RAPGEF6: variants seen among roughly 807,000 people sequenced by gnomAD.
RAPGEF6 encodes PDZ domain containing guanine nucleotide exchange factor (GEF) 2.
A neutral mutation model predicts 171.4 loss-of-function variants in RAPGEF6; 56 were observed. That is an observed-to-expected ratio of 0.33 (90% confidence interval 0.26 to 0.41). The LOEUF is 0.41. Ranked by LOEUF, RAPGEF6 falls within the 10% of genes least tolerant of loss-of-function variation. RAPGEF6 has a pLI of 1.00. For synonymous variants in RAPGEF6, 692 were observed against 650.1 expected (o/e 1.06, Z -0.98); for missense variants, 1,674 against 1,921.4 (o/e 0.87, Z 2.41).
intron 1 of RAPGEF6, among the ~76,000 whole-genome samples, chr5:131,617,590 T>C (rs1189693443): frequency 1.3e-5 from 2 of 151,952 alleles, no homozygotes; most frequent in Non-Finnish European, 2.9e-5. Context: ...GTAGCTGGGA[T>C]TACAGGCGCC....
Position 131,548,180 on chromosome 5 carries a change from G to C in RAPGEF6, c.362C>G (p.Ala121Gly), listed in dbSNP as rs1381657213. The change falls in exon 6 of 28, where the codon GCC becomes GGC. Residue 121 changes from alanine to glycine, a missense_variant. By Grantham distance (60) the Ala-to-Gly change is moderately conservative. Transcript: ENST00000509018. ...TAGAATACTATCTTCATTATCTTTGGCATTCTCTACCTGAAACACATGTTC... is the reference window on the plus strand; with the variant it reads ...TAGAATACTATCTTCATTATCTTTGCCATTCTCTACCTGAAACACATGTTC... Reference protein sequence around the residue: ...EPSEMIVVENAKDNEDSILQR... With the variant: ...EPSEMIVVENGKDNEDSILQR... 1 of 1,613,410 alleles carries C rather than the reference G, an allele frequency of 6.2e-7. No homozygotes were observed. Among genetic ancestry groups the C allele is most frequent in the Non-Finnish European group, 8.5e-7 (1 of 1,179,768 alleles).
intron 17 of RAPGEF6, among the ~76,000 whole-genome samples, chr5:131,465,607 C>A (rs552055680): frequency 6.6e-6 from 1 of 151,836 alleles, no homozygotes; most frequent in Non-Finnish European, 1.5e-5. Flanking sequence ...ATAGCAAGAC[C>A]CCATCTCTAC....
chr5:131,597,403 A>G (rs1763965799), intron 3 of RAPGEF6, among the ~76,000 whole-genome samples: 1 of 152,172 alleles, frequency 6.6e-6, no homozygotes, highest in African/African-American at 2.4e-5. Flanking sequence ...TGTTACAGAA[A>G]TATCTGCACT....
intron 18 of RAPGEF6, among the ~76,000 whole-genome samples, 177 bp from the exon 19 acceptor site, chr5:131,462,265 G>C (rs988528377): frequency 6.6e-6 from 1 of 152,158 alleles, no homozygotes; most frequent in Non-Finnish European, 1.5e-5. Context: ...TGAGAAGTCT[G>C]TCTCTTATTC....
chr5:131,528,216 A>G (rs1473126341), intron 6 of RAPGEF6, among the ~76,000 whole-genome samples: 3 of 125,768 alleles, frequency 2.4e-5, no homozygotes, highest in African/African-American at 9.7e-5. Flanking sequence ...TATATAAATA[A>G]AATAAAATAA....
intron 21 of RAPGEF6, among the ~76,000 whole-genome samples, chr5:131,449,247 A>T (rs1214346483): frequency 2.6e-5 from 4 of 152,242 alleles, no homozygotes; most frequent in African/African-American, 9.6e-5. Context: ...GCTATGTAGA[A>T]GTAGAGACCT....
chr5:131,477,872 T>A (rs1396056803), intron 16 of RAPGEF6, among the ~76,000 whole-genome samples: 1 of 152,166 alleles, frequency 6.6e-6, no homozygotes, highest in Non-Finnish European at 1.5e-5. Flanking sequence ...TCATGCATTC[T>A]TTTCTGCCTT....
intron 6 of RAPGEF6, among the ~76,000 whole-genome samples, chr5:131,521,869 ACACACACACACACACACACACACT>A (rs1210632700): frequency 8.0e-6 from 1 of 124,488 alleles, no homozygotes; most frequent in Non-Finnish European, 1.7e-5. Context: ...ACACACACAC[ACACACACACACACACACACACACT>A]CTCTCTCTCT....
At position 131,464,176 on chromosome 5, in the gene RAPGEF6, T is replaced by C. The variant is rs1341944339; in HGVS notation, c.2345A>G (p.His782Arg). The C allele has an allele frequency of 2.5e-6, 4 of 1,613,986 alleles. No homozygotes were observed. Among genetic ancestry groups the C allele is most frequent in the East Asian group, 4.5e-5 (2 of 44,832 alleles). ...TAKEVVFHAV[H>R]EFGLTGASDT... is the part of the protein sequence containing the mutation. ...GGATGCACCGGTCAAACCAAATTCATGAACAGCATGAAAAACTACTTCTTT... is the reference window on the plus strand; with the variant it reads ...GGATGCACCGGTCAAACCAAATTCACGAACAGCATGAAAAACTACTTCTTT... Residue 782 changes from histidine (H) to arginine (R), a missense_variant, in exon 18 of 28, where the codon CAT (histidine) becomes CGT (arginine). By Grantham distance (29) the His-to-Arg change is conservative. Transcript: ENST00000509018.
chr5:131,536,310 C>T (rs1421049078), intron 6 of RAPGEF6, among the ~76,000 whole-genome samples: 4 of 152,138 alleles, frequency 2.6e-5, no homozygotes, highest in African/African-American at 9.7e-5. Flanking sequence ...CGTTTTCCCC[C>T]ATGTTTAACA....
At chr5:131,577,470 G>A (rs754605070) in intron 4 of RAPGEF6, among the ~76,000 whole-genome samples, 12 of 152,118 alleles carry the variant, frequency 7.9e-5, no homozygotes, top group East Asian at 1.9e-4. Context: ...CCTCAATCTC[G>A]TGCCAGACAC....
chr5:131,603,185 G>T, intron 3 of RAPGEF6, 86 bp downstream of exon 3: 2 of 990,238 alleles, frequency 2.0e-6, no homozygotes, highest in Non-Finnish European at 3.1e-6. Flanking sequence ...TACATAAATT[G>T]TCCCAGAATC....
chr5:131,590,014 T>C (rs576722855), intron 4 of RAPGEF6, among the ~76,000 whole-genome samples: 109 of 152,358 alleles, frequency 7.2e-4, no homozygotes, highest in African/African-American at 2.4e-3. Flanking sequence ...CAAGTTTGTT[T>C]TGTCTTTGGG....
At chr5:131,450,682 G>T (rs1753008088) in intron 21 of RAPGEF6, among the ~76,000 whole-genome samples, 1 of 151,972 alleles carries the variant, frequency 6.6e-6, no homozygotes, top group Non-Finnish European at 1.5e-5. Flanking sequence ...GTTAAAAGGG[G>T]TTACTTTGTC....
chr5:131,596,207 A>T (rs1450839396), intron 3 of RAPGEF6, among the ~76,000 whole-genome samples: 1 of 127,816 alleles, frequency 7.8e-6, no homozygotes, highest in Non-Finnish European at 1.8e-5. Context: ...TGCAAATGGA[A>T]AGCCAAAGCA....
intron 15 of RAPGEF6, among the ~76,000 whole-genome samples, chr5:131,483,928 G>C (rs1047333722): frequency 6.6e-6 from 1 of 151,452 alleles, no homozygotes; most frequent in Non-Finnish European, 1.5e-5. Context: ...GTGAAACCCC[G>C]TCTCTACTAA....
intron 6 of RAPGEF6, among the ~76,000 whole-genome samples, chr5:131,533,694 C>T (rs1759561001): frequency 6.6e-6 from 1 of 152,024 alleles, no homozygotes; most frequent in Admixed American, 6.6e-5. Context: ...CCAATAGTTG[C>T]AGCATGCACC....
intron 26 of RAPGEF6, among the ~76,000 whole-genome samples, chr5:131,430,394 G>C (rs1022766137): frequency 6.6e-6 from 1 of 152,126 alleles, no homozygotes; most frequent in African/African-American, 2.4e-5. Flanking sequence ...TGTACACCAA[G>C]AGAGTATACT....
At chr5:131,593,731 T>C (rs1424017451) in intron 3 of RAPGEF6, among the ~76,000 whole-genome samples, 1 of 152,220 alleles carries the variant, frequency 6.6e-6, no homozygotes, top group Non-Finnish European at 1.5e-5. Context: ...GCCCTACAGA[T>C]CTATGGAACT....
Sources: gnomAD v4.1 joint callset for allele counts (sites outside exome capture counted in the v4.1 genomes callset) on GRCh38, gnomAD v4.1.1 for gene constraint, MANE v1.5 for transcripts, NCBI Gene and HGNC (gene_info 2026-07-23, HGNC 2026-07-21) for gene names.